The following STK11 variants were observed in gnomAD, a reference collection of about 807,000 sequenced individuals.
STK11 encodes serine/threonine-protein kinase STK11.
In STK11, 8 loss-of-function variants were observed where a neutral mutation model predicts 47.3. The ratio of observed to expected loss-of-function variants is 0.17; its 90% CI spans 0.10 to 0.31. The LOEUF (loss-of-function observed/expected upper bound fraction) is 0.31. Among genes scored for constraint, STK11 ranks in the 10% least tolerant of loss-of-function variants. The pLI is 1.00. For synonymous variants in STK11, 330 were observed against 255.8 expected (o/e 1.29, Z -2.77); for missense variants, 475 against 605.0 (o/e 0.79, Z 2.25).
intron 7 of STK11, 97 bp from the exon 8 acceptor site, chr19:1,222,888 T>C: frequency 7.4e-7 from 1 of 1,354,030 alleles, no homozygotes; most frequent in Non-Finnish European, 9.9e-7. Context: ...AGCTCCTGAG[T>C]GTGTGGCAGG....
chr19:1,209,859 G>A (rs1374570547), intron 1 of STK11, among the ~76,000 whole-genome samples: 1 of 152,110 alleles, frequency 6.6e-6, no homozygotes, highest in Non-Finnish European at 1.5e-5. Flanking sequence ...GAACGGGAGG[G>A]AACACGGAGG....
chr19:1,219,552 G>GTT (rs775348337), intron 3 of STK11, 139 bp downstream of exon 3: 44 of 841,586 alleles, frequency 5.2e-5, no homozygotes, highest in South Asian at 1.4e-4. Flanking sequence ...TTGTTTTTTT[G>GTT]TGTTTTTTTT....
At chr19:1,218,640 C>T (rs930288346) in intron 2 of STK11, 140 bp downstream of exon 2, 27 of 764,378 alleles carry the variant, frequency 3.5e-5, no homozygotes, top group African/African-American at 1.4e-4. Flanking sequence ...CCTGGTTCCC[C>T]GGAAGTCAGC....
chr19:1,212,597 G>A (rs535780955), intron 1 of STK11, among the ~76,000 whole-genome samples: 2 of 151,922 alleles, frequency 1.3e-5, no homozygotes, highest in South Asian at 2.1e-4. Flanking sequence ...ACGGAGTCTC[G>A]CTCTGTCCCC....
intron 1 of STK11, 35 bp from the exon 2 acceptor site, chr19:1,218,382 G>T (rs767694406): frequency 6.3e-7 from 1 of 1,578,802 alleles, no homozygotes; most frequent in Non-Finnish European, 8.7e-7. Context: ...CCTGACGTTG[G>T]GTCGGCTGAT....
At chr19:1,223,302 C>T in intron 8 of STK11, 130 bp downstream of exon 8, 2 of 1,164,030 alleles carry the variant, frequency 1.7e-6, no homozygotes, top group South Asian at 2.9e-5. Flanking sequence ...TCCCCAAAGC[C>T]TCCAGCCCAC....
At chr19:1,227,040 A>G (rs910370277) in intron 9 of STK11, 6 of 226,186 alleles carry the variant, frequency 2.7e-5, no homozygotes, top group Admixed American at 6.0e-5. Flanking sequence ...TTTGAGCACC[A>G]GTGGGTGGTG....
rs1007978835 is a variant in STK11 at position 1,224,858 on chromosome 19, A to G, written c.1109-1596A>G. 7 of 985,426 alleles carry G rather than the reference A, an allele frequency of 7.1e-6. No individual in the cohort carries two copies. The African/African-American group carries it at 1.0e-4, about 15-fold the overall frequency. 61.0% of individuals were successfully genotyped at this position (985,426 alleles called of 1,614,324 possible). The stretch of plus-strand genomic sequence containing the variant: ...GGGTACTCAGGTGGACGCCCCTCCC[A>G]CTGCTCAGATGCTGGGGACAGGCTC... On this transcript the variant is annotated intron_variant, in intron 8 of 9. Coordinates refer to ENST00000326873, the MANE Select transcript of STK11 (RefSeq NM_000455.5).
At position 1,206,738 on chromosome 19, in the gene STK11, T is replaced by A. The variant is rs1315747677; in HGVS notation, c.-176T>A. ...TGGACTCGCAGCCGGGACTGACGTG[T>A]AGAACAATCGTTTCTGTTGGAAGAA... is the stretch of plus-strand genomic sequence containing the variant. On this transcript the variant is annotated 5_prime_UTR_variant, in exon 1 of 10. Coordinates refer to ENST00000326873, the MANE Select transcript of STK11 (RefSeq NM_000455.5). 1 of 894,330 alleles carries A rather than the reference T, an allele frequency of 1.1e-6. No homozygotes were observed. The highest frequency in any genetic ancestry group is 1.7e-5 in the African/African-American group (1 of 59,244). The allele number at this position is 894,330 out of a possible 1,614,324, so 55.4% of individuals were successfully genotyped here.
rs7246173 is a variant in STK11 at position 1,224,260 on chromosome 19, C to T, written c.1108+1088C>T. 6,467 of 985,256 alleles carry T rather than the reference C, an allele frequency of 6.6e-3. 295 individuals carry two copies. In the African/African-American group the frequency reaches 0.099, roughly 15 times the overall value. The allele number at this position is 985,256 out of a possible 1,614,324, so 61.0% of individuals were successfully genotyped here. On this transcript the variant is annotated intron_variant, in intron 8 of 9. Transcript: ENST00000326873. ...GTGGGGGCCCCCCAGGAGGGTACAG[C>T]GTGTGTGGGGCCCCCAGGATCACAG...
intron 1 of STK11, among the ~76,000 whole-genome samples, chr19:1,208,042 G>T (rs1343684038): frequency 6.6e-6 from 1 of 152,222 alleles, no homozygotes; most frequent in Non-Finnish European, 1.5e-5. Context: ...CGCCTGGCGG[G>T]CCCTGCCCAG....
intron 8 of STK11, 41 bp from the exon 9 acceptor site, chr19:1,226,413 G>A (rs2145435641): frequency 1.3e-6 from 2 of 1,592,050 alleles, no homozygotes; most frequent in Non-Finnish European, 1.7e-6. Context: ...CTCTGGGGTT[G>A]CGCCCCTCAG....
intron 1 of STK11, among the ~76,000 whole-genome samples, chr19:1,216,012 C>T (rs556651869): frequency 6.6e-6 from 1 of 151,938 alleles, no homozygotes; most frequent in Non-Finnish European, 1.5e-5. Flanking sequence ...GGATTACAGG[C>T]GTGAGTCACC....
At chr19:1,208,550 C>T (rs1210877373) in intron 1 of STK11, among the ~76,000 whole-genome samples, 5 of 150,302 alleles carry the variant, frequency 3.3e-5, no homozygotes, top group African/African-American at 7.3e-5. Flanking sequence ...CCTCGTGATC[C>T]GCCCGCCTCG....
In STK11 at chr19:1,223,693, C is replaced by T. The variant is rs572562074; in HGVS notation, c.1108+521C>T. 4.2e-5 allele frequency: 44 copies of T among 1,044,034 alleles called. No homozygotes were observed. In the East Asian group the frequency reaches 1.2e-3, roughly 30 times the overall value. The allele number at this position is 1,044,034 out of a possible 1,614,324, so 64.7% of individuals were successfully genotyped here. On this transcript the variant is annotated intron_variant, in intron 8 of 9. Transcript: ENST00000326873. ...GAGCGGAGCGCGGCTTGCAGAAGAGCGAGGGCTCAGACCTTTCAGGAGAGG... is the reference window on the plus strand; with the variant it reads ...GAGCGGAGCGCGGCTTGCAGAAGAGTGAGGGCTCAGACCTTTCAGGAGAGG...
Position 1,227,806 on chromosome 19 carries a change from C to G in STK11, c.*230C>G, listed in dbSNP as rs547028801. The G allele has an allele frequency of 3.7e-6, 4 of 1,073,082 alleles. No individual in the cohort carries two copies. The highest frequency in any genetic ancestry group is 4.5e-6 in the Non-Finnish European group (4 of 884,182). The allele number at this position is 1,073,082 out of a possible 1,614,324, so 66.5% of individuals were successfully genotyped here. A position where few individuals can be genotyped will look rare whatever the true frequency, so the allele number is the denominator to read the frequency against. On this transcript the variant is annotated 3_prime_UTR_variant, in exon 10 of 10. Transcript: ENST00000326873. Reference sequence around the variant, plus strand: ...GGCAGTGCACGCGGCTTGTTGACTTCGCAGCCCCGGGCGGAGCCTTCCCGG... The same window carrying G: ...GGCAGTGCACGCGGCTTGTTGACTTGGCAGCCCCGGGCGGAGCCTTCCCGG...
At position 1,208,607 on chromosome 19, in the gene STK11, C is replaced by CTTTTTT. The variant is rs71174355; in HGVS notation, c.290+1426_290+1431dup. On this transcript the variant is annotated intron_variant, in intron 1 of 9. Transcript: ENST00000326873. ...ACAGGCGTGAGTCAACGCGTGCGGC[C>CTTTTTT]TTTTTTTTTTTTTTTTTTTTTTTTT... Among the ~76,000 whole-genome samples, 75 of 37,788 alleles carry CTTTTTT rather than the reference C, an allele frequency of 2.0e-3. 24 individuals carry two copies. Among genetic ancestry groups the CTTTTTT allele is most frequent in the African/African-American group, 8.2e-3 (69 of 8,392 alleles). 24.8% of individuals were successfully genotyped at this position (37,788 alleles called of 152,430 possible).
chr19:1,215,172 C>T lies in STK11; in HGVS notation c.291-3245C>T, dbSNP rs942069850. On this transcript the variant is annotated intron_variant, in intron 1 of 9. Transcript: ENST00000326873. Reference sequence around the variant, plus strand: ...AGGCGCTGGGCCCCGGGGCCTTTGCCGAGCCCAGCCTCACCCTCAGCGTCC... The same window carrying T: ...AGGCGCTGGGCCCCGGGGCCTTTGCTGAGCCCAGCCTCACCCTCAGCGTCC... 7.9e-5 allele frequency among the ~76,000 whole-genome samples: 12 copies of T among 152,266 alleles called. No individual in the cohort carries two copies. In the East Asian group the frequency reaches 1.7e-3, roughly 22 times the overall value.
At chr19:1,222,719 C>A (rs112828244) in intron 7 of STK11, among the ~76,000 whole-genome samples, 12 of 152,356 alleles carry the variant, frequency 7.9e-5, no homozygotes, top group Admixed American at 3.3e-4. Context: ...TTGCAGCCAG[C>A]ATCCATCTGG....
Sources: gnomAD v4.1 joint callset for allele counts (sites outside exome capture counted in the v4.1 genomes callset) on GRCh38, gnomAD v4.1.1 for gene constraint, MANE v1.5 for transcripts, NCBI Gene and HGNC (gene_info 2026-07-23, HGNC 2026-07-21) for gene names.